Variants in BABAM2 observed in about 807,000 individuals in gnomAD.
BABAM2 encodes BRISC and BRCA1 A complex member 2, also known as BRISC and BRCA1-A complex member 2.
A neutral mutation model predicts 54.7 loss-of-function variants in BABAM2; 31 were observed. The ratio of observed to expected loss-of-function variants is 0.57; its 90% CI spans 0.43 to 0.77. The LOEUF (loss-of-function observed/expected upper bound fraction) is 0.77. Among genes scored for constraint, BABAM2 ranks in the 30% least tolerant of loss-of-function variants. The pLI is 0.00. For missense variants in BABAM2, 364 were observed against 455.8 expected (o/e 0.80, Z 1.83); for synonymous variants, 167 against 162.9 (o/e 1.03, Z -0.19).
intron 6 of BABAM2, among the ~76,000 whole-genome samples, chr2:28,081,034 C>T (rs951998733): frequency 6.6e-6 from 1 of 152,082 alleles, no homozygotes; most frequent in African/African-American, 2.4e-5. Context: ...GTAAAAAACA[C>T]CAAAAGAATT....
At chr2:27,965,108 C>CGA (rs1670746112) in intron 3 of BABAM2, among the ~76,000 whole-genome samples, 2 of 152,178 alleles carry the variant, frequency 1.3e-5, no homozygotes, top group South Asian at 4.1e-4. Flanking sequence ...ATATCCCTCT[C>CGA]TATGTCTGTT....
intron 3 of BABAM2, among the ~76,000 whole-genome samples, chr2:27,934,538 C>T (rs973484488): frequency 2.0e-5 from 3 of 152,196 alleles, no homozygotes; most frequent in Non-Finnish European, 2.9e-5. Context: ...AGTCCCACAC[C>T]TCTCACTTTA....
intron 3 of BABAM2, among the ~76,000 whole-genome samples, chr2:27,950,964 A>T (rs1344966442): frequency 1.3e-5 from 2 of 152,026 alleles, no homozygotes; most frequent in African/African-American, 4.8e-5. Context: ...TTATTCTTTT[A>T]AAAAAATGTG....
chr2:28,180,174 A>G (rs1189071959), intron 7 of BABAM2, among the ~76,000 whole-genome samples: 1 of 152,174 alleles, frequency 6.6e-6, no homozygotes, highest in African/African-American at 2.4e-5. Context: ...TCCTGAGCAA[A>G]AAGAACAAAG....
At chr2:28,285,918 A>C (rs751131958) in intron 10 of BABAM2, among the ~76,000 whole-genome samples, 4 of 151,780 alleles carry the variant, frequency 2.6e-5, no homozygotes, top group Non-Finnish European at 5.9e-5. Flanking sequence ...CTATACTGAG[A>C]AGTAAATAGT....
At chr2:28,257,915 G>A (rs1404057253) in intron 10 of BABAM2, among the ~76,000 whole-genome samples, 3 of 152,072 alleles carry the variant, frequency 2.0e-5, no homozygotes, top group East Asian at 1.9e-4. Context: ...GGTGGCTCAC[G>A]CCTGCAATCC....
chr2:28,224,479 A>G (rs1680691114), intron 7 of BABAM2, among the ~76,000 whole-genome samples: 1 of 152,190 alleles, frequency 6.6e-6, no homozygotes, highest in African/African-American at 2.4e-5. Flanking sequence ...AATTTTTGCA[A>G]ACAAATTTAG....
At chr2:28,145,666 C>A (rs113261098) in intron 7 of BABAM2, among the ~76,000 whole-genome samples, 1 of 152,174 alleles carries the variant, frequency 6.6e-6, no homozygotes, top group African/African-American at 2.4e-5. Context: ...GCCATCACCA[C>A]AATCAATTTT....
chr2:28,202,819 A>T (rs1301094942), intron 7 of BABAM2, among the ~76,000 whole-genome samples: 1 of 152,244 alleles, frequency 6.6e-6, no homozygotes, highest in Non-Finnish European at 1.5e-5. Flanking sequence ...AGTACAATGT[A>T]AAAAGCCTGT....
At chr2:28,312,268 A>G (rs1286196525) in intron 11 of BABAM2, among the ~76,000 whole-genome samples, 1 of 152,206 alleles carries the variant, frequency 6.6e-6, no homozygotes, top group Non-Finnish European at 1.5e-5. Flanking sequence ...CTTTTGTCAG[A>G]TCATTCAGCA....
At chr2:28,215,948 G>A (rs1489789351) in intron 7 of BABAM2, among the ~76,000 whole-genome samples, 1 of 152,142 alleles carries the variant, frequency 6.6e-6, no homozygotes, top group Non-Finnish European at 1.5e-5. Flanking sequence ...GAGCCAAAAG[G>A]ACCATGATCT....
At chr2:28,066,718 C>CT (rs776324537) in intron 6 of BABAM2, among the ~76,000 whole-genome samples, 2 of 152,180 alleles carry the variant, frequency 1.3e-5, no homozygotes, top group Non-Finnish European at 2.9e-5. Context: ...GCTTGAGTGT[C>CT]TTCACAACAT....
intron 7 of BABAM2, among the ~76,000 whole-genome samples, chr2:28,162,075 A>G (rs1187751848): frequency 6.6e-6 from 1 of 152,234 alleles, no homozygotes; most frequent in Non-Finnish European, 1.5e-5. Flanking sequence ...AATACTAGTG[A>G]TTTCAAATGA....
At chr2:28,317,397 A>C (rs2148298241) in intron 11 of BABAM2, among the ~76,000 whole-genome samples, 1 of 152,320 alleles carries the variant, frequency 6.6e-6, no homozygotes, top group East Asian at 1.9e-4. Flanking sequence ...TATTCCTCCC[A>C]GACTAGAAAA....
chr2:27,968,021 A>G (rs1468248654), intron 3 of BABAM2, among the ~76,000 whole-genome samples: 1 of 152,250 alleles, frequency 6.6e-6, no homozygotes, highest in African/African-American at 2.4e-5. Context: ...AAAAAATCCC[A>G]TATTCTGAAG....
At chr2:28,138,982 G>T (rs1670782586) in intron 7 of BABAM2, among the ~76,000 whole-genome samples, 1 of 152,116 alleles carries the variant, frequency 6.6e-6, no homozygotes. Flanking sequence ...AACTGCATAT[G>T]ACATTGTTCT....
At chr2:27,961,057 C>G (rs1156968905) in intron 3 of BABAM2, among the ~76,000 whole-genome samples, 2 of 152,020 alleles carry the variant, frequency 1.3e-5, no homozygotes, top group African/African-American at 2.4e-5. Flanking sequence ...GTGGCCATCT[C>G]TTAGACACTT....
chr2:28,286,710 G>A (rs1000999712), intron 10 of BABAM2, among the ~76,000 whole-genome samples: 1 of 152,140 alleles, frequency 6.6e-6, no homozygotes, highest in Non-Finnish European at 1.5e-5. Flanking sequence ...CTTCGATGGA[G>A]TATCTTTGCA....
chr2:28,315,431 C>CTT (rs1231703027), intron 11 of BABAM2, among the ~76,000 whole-genome samples: 4 of 22,352 alleles, frequency 1.8e-4, no homozygotes, highest in African/African-American at 5.7e-4. Flanking sequence ...TTTTTCTTTT[C>CTT]TTTTCTTTTC....
Sources: allele counts gnomAD v4.1 joint callset (sites outside exome capture counted in the v4.1 genomes callset), GRCh38; gene constraint gnomAD v4.1.1; transcripts MANE v1.5; gene names NCBI Gene and HGNC (gene_info 2026-07-23, HGNC 2026-07-21).